The following NXPE4 variants were observed in gnomAD, a reference collection of about 807,000 sequenced individuals.
The protein encoded by NXPE4 is neurexophilin and PC-esterase domain family member 4, also known as NXPE family member 4.
Under a neutral mutation model 33.3 loss-of-function variants are expected in NXPE4, and 42 were observed. The ratio of observed to expected loss-of-function variants is 1.26; its 90% confidence interval spans 0.98 to 1.63. The LOEUF (loss-of-function observed/expected upper bound fraction) is 1.63, where lower values mean the gene tolerates loss of function less well. Ranked by LOEUF, NXPE4 falls within the 40% of genes most tolerant of loss-of-function variation. NXPE4 has a pLI of 0.00. For missense variants in NXPE4, 709 were observed against 647.6 expected, an observed-to-expected ratio of 1.09 and a Z score of -1.03; for synonymous variants, 253 against 234.9, an observed-to-expected ratio of 1.08 and a Z score of -0.71.
chr11:114,641,508 T>C, the NXPE4 span, among the ~76,000 whole-genome samples: 1 of 152,042 alleles, frequency 6.6e-6, no homozygotes, highest in East Asian at 1.9e-4. Context: ...GCCACCAAAT[T>C]ATATTGAGAG....
At chr11:114,598,657 A>T (rs1398868709), upstream of NXPE4, among the ~76,000 whole-genome samples, 1 of 151,182 alleles carries the variant, frequency 6.6e-6, no homozygotes, top group Non-Finnish European at 1.5e-5. Context: ...CTTGAGCTGT[A>T]CCTGGGCCTC....
At chr11:114,611,300 T>C in the NXPE4 span, among the ~76,000 whole-genome samples, 1 of 151,360 alleles carries the variant, frequency 6.6e-6, no homozygotes. Context: ...TGTTGCCTCA[T>C]GGGTAATCAC....
the NXPE4 span, among the ~76,000 whole-genome samples, chr11:114,633,750 T>A: frequency 6.6e-6 from 1 of 151,934 alleles, no homozygotes; most frequent in East Asian, 1.9e-4. Flanking sequence ...TTACTGAGAA[T>A]GATGATTTCC....
chr11:114,586,679 C>G (rs1949306733), intron 2 of NXPE4, among the ~76,000 whole-genome samples: 1 of 152,036 alleles, frequency 6.6e-6, no homozygotes. Context: ...AGGGAGACAC[C>G]CTGGTGTTAC....
chr11:114,619,524 G>A, the NXPE4 span, among the ~76,000 whole-genome samples: 1 of 148,620 alleles, frequency 6.7e-6, no homozygotes, highest in South Asian at 2.2e-4. Context: ...ACTGTTACCC[G>A]GTGGAGGATA....
chr11:114,609,261 T>C, the NXPE4 span, among the ~76,000 whole-genome samples: 15 of 151,866 alleles, frequency 9.9e-5, no homozygotes, highest in Non-Finnish European at 2.2e-4. Context: ...GGTTAATAAG[T>C]ATTGCCTCAT....
At chr11:114,678,069 T>A in the NXPE4 span, among the ~76,000 whole-genome samples, 1 of 152,116 alleles carries the variant, frequency 6.6e-6, no homozygotes. Context: ...TGCAATGGTT[T>A]AGAGCAAGAG....
chr11:114,587,484 G>T (rs1949333165), intron 2 of NXPE4, among the ~76,000 whole-genome samples: 1 of 152,254 alleles, frequency 6.6e-6, no homozygotes, highest in South Asian at 2.1e-4. Flanking sequence ...CTATTGGAGA[G>T]TCATGCAGAT....
chr11:114,622,183 C>T, the NXPE4 span, among the ~76,000 whole-genome samples: 2 of 104,186 alleles, frequency 1.9e-5, no homozygotes, highest in Non-Finnish European at 2.4e-5. Context: ...AGTATTGCCT[C>T]GTGGGTAACC....
At chr11:114,645,326 A>T in the NXPE4 span, among the ~76,000 whole-genome samples, 10 of 152,092 alleles carry the variant, frequency 6.6e-5, no homozygotes, top group Admixed American at 6.6e-4. Context: ...AAAATAAAAA[A>T]ACCCAGTCCC....
the NXPE4 span, among the ~76,000 whole-genome samples, chr11:114,636,333 G>A: frequency 0.093 from 14,075 of 151,716 alleles, 816 homozygotes; most frequent in Middle Eastern, 0.2. Context: ...TTTTTATTGC[G>A]TCTATTTGAT....
intron 5 of NXPE4, among the ~76,000 whole-genome samples, chr11:114,579,592 A>G (rs2135214606): frequency 6.6e-6 from 1 of 152,298 alleles, no homozygotes; most frequent in South Asian, 2.1e-4. Flanking sequence ...GATACCTTAC[A>G]CCAAAGAGAA....
At chr11:114,639,698 A>T in the NXPE4 span, among the ~76,000 whole-genome samples, 1 of 137,218 alleles carries the variant, frequency 7.3e-6, no homozygotes, top group African/African-American at 2.7e-5. Context: ...TCTATTCTAT[A>T]ATATATTCTA....
At position 114,593,155 on chromosome 11, in the gene NXPE4, G is replaced by C. The variant is rs112372195; in HGVS notation, c.96+1509C>G. 1.7e-3 allele frequency among the ~76,000 whole-genome samples: 262 copies of C among 152,082 alleles called. 1 individual carries two copies. Among genetic ancestry groups the C allele is most frequent in the African/African-American group, 6.0e-3 (248 of 41,522 alleles). On this transcript the variant is annotated intron_variant, in intron 2 of 5. Transcript: ENST00000375478. Reference sequence around the variant, plus strand: ...GATAAGACCTCAAATGCACAGAGAAGAAAAGCAAAGATAGACAAATGGGAT... The same window carrying C: ...GATAAGACCTCAAATGCACAGAGAACAAAAGCAAAGATAGACAAATGGGAT...
chr11:114,616,214 G>A, the NXPE4 span, among the ~76,000 whole-genome samples: 1 of 151,458 alleles, frequency 6.6e-6, no homozygotes, highest in African/African-American at 2.4e-5. Context: ...GTTACCTGGT[G>A]GATAATAAGT....
chr11:114,609,468 A>C, the NXPE4 span, among the ~76,000 whole-genome samples: 1 of 151,766 alleles, frequency 6.6e-6, no homozygotes, highest in African/African-American at 2.4e-5. Flanking sequence ...AATGGATAAT[A>C]AGTGTTGCCT....
chr11:114,634,532 CT>C, the NXPE4 span, among the ~76,000 whole-genome samples: 1 of 151,938 alleles, frequency 6.6e-6, no homozygotes, highest in African/African-American at 2.4e-5. Flanking sequence ...ACATGAAGTC[CT>C]TGCCCATGCC....
the NXPE4 span, among the ~76,000 whole-genome samples, chr11:114,620,489 G>T: frequency 6.6e-6 from 1 of 151,800 alleles, no homozygotes; most frequent in Non-Finnish European, 1.5e-5. Flanking sequence ...TTGCCCGGTG[G>T]ATAATAAGTG....
At chr11:114,633,358 TA>T in the NXPE4 span, among the ~76,000 whole-genome samples, 5 of 142,786 alleles carry the variant, frequency 3.5e-5, no homozygotes, top group East Asian at 1.0e-3. Flanking sequence ...TTATATTATA[TA>T]TACTATATAA....
Sources: allele counts gnomAD v4.1 joint callset (sites outside exome capture counted in the v4.1 genomes callset), GRCh38; gene constraint gnomAD v4.1.1; transcripts MANE v1.5; gene names NCBI Gene and HGNC (gene_info 2026-07-23, HGNC 2026-07-21).